Variants in PCDH9 observed in about 807,000 individuals in gnomAD.
The protein encoded by PCDH9 is protocadherin 9.
In PCDH9, 24 loss-of-function variants were observed where a neutral mutation model predicts 70.6. That is an observed-to-expected ratio of 0.34 (90% CI 0.25 to 0.48). The LOEUF (loss-of-function observed/expected upper bound fraction) is 0.48, where lower values mean the gene tolerates loss of function less well. Among genes scored for constraint, PCDH9 ranks in the 20% least tolerant of loss-of-function variants. The probability of loss-of-function intolerance (pLI) is 0.99; values close to 1 mark genes in which losing one functional copy is unlikely to be tolerated. For missense variants in PCDH9, 1,281 were observed against 1,503.6 expected, an observed-to-expected ratio of 0.85 and a Z score of 2.45; for synonymous variants, 562 against 558.5, an observed-to-expected ratio of 1.01 and a Z score of -0.09.
At chr13:66,905,051 G>T (rs1232382764) in intron 2 of PCDH9, among the ~76,000 whole-genome samples, 2 of 151,780 alleles carry the variant, frequency 1.3e-5, no homozygotes, top group Non-Finnish European at 2.9e-5. Context: ...TTTAACCTCT[G>T]TTTCTAAGTA....
chr13:66,370,091 A>ACT (rs1369571187), intron 4 of PCDH9, among the ~76,000 whole-genome samples: 4 of 152,034 alleles, frequency 2.6e-5, no homozygotes, highest in Admixed American at 1.3e-4. Flanking sequence ...CTCAACACTG[A>ACT]CTCTAGGTCC....
intron 2 of PCDH9, among the ~76,000 whole-genome samples, chr13:66,909,912 A>C (rs563485442): frequency 2.0e-5 from 3 of 152,192 alleles, no homozygotes; most frequent in African/African-American, 7.2e-5. Flanking sequence ...TGCAAAGTTC[A>C]CCTTTTCAGT....
At chr13:66,948,719 T>G (rs1440696300) in intron 2 of PCDH9, among the ~76,000 whole-genome samples, 1 of 152,116 alleles carries the variant, frequency 6.6e-6, no homozygotes. Flanking sequence ...GGAGGAATCT[T>G]GAACTCAGCA....
intron 2 of PCDH9, among the ~76,000 whole-genome samples, chr13:67,054,057 C>T (rs1001709842): frequency 1.3e-5 from 2 of 152,138 alleles, no homozygotes; most frequent in African/African-American, 2.4e-5. Context: ...CACATCCCTA[C>T]GTTGGGAAAA....
chr13:66,334,004 A>G (rs982395031), intron 4 of PCDH9, among the ~76,000 whole-genome samples: 2 of 152,172 alleles, frequency 1.3e-5, no homozygotes, highest in Non-Finnish European at 2.9e-5. Flanking sequence ...GGTAATTAAG[A>G]TACTCTCACT....
chr13:66,519,440 G>A (rs1484404021), intron 4 of PCDH9, among the ~76,000 whole-genome samples: 1 of 152,056 alleles, frequency 6.6e-6, no homozygotes, highest in Non-Finnish European at 1.5e-5. Flanking sequence ...AGAGGCAGAC[G>A]AGCACTCTTT....
intron 3 of PCDH9, among the ~76,000 whole-genome samples, chr13:66,815,300 A>C (rs1013666443): frequency 6.6e-6 from 1 of 152,176 alleles, no homozygotes; most frequent in Non-Finnish European, 1.5e-5. Context: ...TGTGAAGAAA[A>C]GAGATTGCTA....
intron 4 of PCDH9, among the ~76,000 whole-genome samples, chr13:66,377,584 C>A (rs1295287894): frequency 1.3e-5 from 2 of 152,244 alleles, no homozygotes; most frequent in African/African-American, 4.8e-5. Context: ...GGTTGGCTGT[C>A]CACTGATGCA....
intron 4 of PCDH9, among the ~76,000 whole-genome samples, chr13:66,492,637 C>G (rs1959052372): frequency 6.6e-6 from 1 of 151,814 alleles, no homozygotes; most frequent in Non-Finnish European, 1.5e-5. Flanking sequence ...AGATAGATGG[C>G]TTTGCTGGTC....
At chr13:66,661,313 T>C (rs1297549228) in intron 3 of PCDH9, among the ~76,000 whole-genome samples, 3 of 151,992 alleles carry the variant, frequency 2.0e-5, no homozygotes, top group Non-Finnish European at 4.4e-5. Context: ...GGAGGATGAG[T>C]GTCCTTCATT....
chr13:66,862,473 C>T (rs765939544), intron 3 of PCDH9, among the ~76,000 whole-genome samples: 2 of 152,114 alleles, frequency 1.3e-5, no homozygotes, highest in Non-Finnish European at 2.9e-5. Flanking sequence ...ATTTACATTC[C>T]CTGCATCATT....
intron 2 of PCDH9, chr13:67,202,285 T>C (rs1350885100): frequency 6.6e-6 from 1 of 152,050 alleles, no homozygotes; most frequent in Non-Finnish European, 1.5e-5. Flanking sequence ...TCTACAAAAA[T>C]TACCTGGTAA....
At chr13:66,849,478 A>G in intron 3 of PCDH9, among the ~76,000 whole-genome samples, 1 of 129,796 alleles carries the variant, frequency 7.7e-6, no homozygotes, top group Middle Eastern at 4.1e-3. Flanking sequence ...TATGACAATC[A>G]TAGGTAGGTA....
At chr13:67,032,447 A>T (rs2084927164) in intron 2 of PCDH9, among the ~76,000 whole-genome samples, 1 of 152,152 alleles carries the variant, frequency 6.6e-6, no homozygotes, top group Non-Finnish European at 1.5e-5. Context: ...TACAGGCATG[A>T]GCCACAGTGC....
chr13:67,127,618 C>T (rs557145128), intron 2 of PCDH9, among the ~76,000 whole-genome samples: 1 of 151,554 alleles, frequency 6.6e-6, no homozygotes, highest in East Asian at 1.9e-4. Context: ...GTTACTCTGG[C>T]CTTCTCTGAA....
intron 2 of PCDH9, chr13:67,209,995 T>A (rs1048963434): frequency 6.6e-6 from 1 of 152,104 alleles, no homozygotes; most frequent in South Asian, 2.1e-4. Flanking sequence ...ACTAACATTA[T>A]CAGTCAAAAT....
chr13:66,659,215 A>G (rs1172871531), intron 3 of PCDH9, among the ~76,000 whole-genome samples: 1 of 152,206 alleles, frequency 6.6e-6, no homozygotes, highest in African/African-American at 2.4e-5. Flanking sequence ...GTTTATAAGC[A>G]CCATGTAGAC....
intron 3 of PCDH9, among the ~76,000 whole-genome samples, chr13:66,716,724 T>C (rs1019383274): frequency 1.2e-4 from 18 of 152,290 alleles, no homozygotes; most frequent in African/African-American, 3.8e-4. Flanking sequence ...ACCTACTTTT[T>C]TCTTATTGAC....
In PCDH9 at chr13:67,194,308, A is replaced by G. The variant is rs532022350; in HGVS notation, c.3036+31097T>C. 6.6e-5 allele frequency among the ~76,000 whole-genome samples: 10 copies of G among 152,230 alleles called. No homozygotes were observed. The East Asian group carries it at 1.9e-3, about 29-fold the overall frequency. On this transcript the variant is annotated intron_variant, in intron 2 of 4. Coordinates refer to ENST00000377865, the MANE Select transcript of PCDH9 (RefSeq NM_203487.3). ...AAAATCATTGTCTCCAAATAAAACCATAGGGGACAAAAATTCAATCATGAC... is the reference window on the plus strand; with the variant it reads ...AAAATCATTGTCTCCAAATAAAACCGTAGGGGACAAAAATTCAATCATGAC...
Sources: allele counts gnomAD v4.1 joint callset (sites outside exome capture counted in the v4.1 genomes callset), GRCh38; gene constraint gnomAD v4.1.1; transcripts MANE v1.5; gene names NCBI Gene and HGNC (gene_info 2026-07-23, HGNC 2026-07-21).